The following ZNF160 variants were observed in gnomAD, a reference collection of about 807,000 sequenced individuals.
The protein encoded by ZNF160 is KRAB zinc finger protein KR18.
Under a neutral mutation model 13.1 loss-of-function variants are expected in ZNF160, and 9 were observed. That is an observed-to-expected ratio of 0.69 (90% confidence interval 0.41 to 1.20). The LOEUF (loss-of-function observed/expected upper bound fraction) is 1.20, where lower values mean the gene tolerates loss of function less well. Ranked by LOEUF, ZNF160 falls within the 50% of genes most tolerant of loss-of-function variation. The probability of loss-of-function intolerance (pLI) is 0.01; values close to 1 mark genes in which losing one functional copy is unlikely to be tolerated. For synonymous variants in ZNF160, 293 were observed against 333.2 expected, an observed-to-expected ratio of 0.88 and a Z score of 1.31; for missense variants, 838 against 988.0, an observed-to-expected ratio of 0.85 and a Z score of 2.04.
At chr19:53,102,885 G>A (rs1409463847) in intron 1 of ZNF160, among the ~76,000 whole-genome samples, 1 of 152,052 alleles carries the variant, frequency 6.6e-6, no homozygotes, top group African/African-American at 2.4e-5. Context: ...GGAGGCCTGG[G>A]GAGCAGCAGG....
At chr19:53,078,013 G>A (rs531875639) in intron 3 of ZNF160, among the ~76,000 whole-genome samples, 9 of 152,178 alleles carry the variant, frequency 5.9e-5, no homozygotes, top group East Asian at 3.9e-4. Context: ...AGGCTAAGGC[G>A]GGCGGATCAC....
chr19:53,075,462 G>A (rs948444455), intron 3 of ZNF160: 19 of 382,890 alleles, frequency 5.0e-5, no homozygotes, highest in Non-Finnish European at 6.4e-5. Context: ...GGCGGTCACC[G>A]GAACTAAGGC....
chr19:53,075,010 C>G (rs1273809297), intron 4 of ZNF160, 47 bp downstream of exon 4: 2 of 1,612,730 alleles, frequency 1.2e-6, no homozygotes, highest in South Asian at 1.1e-5. Flanking sequence ...GAAAATGCAA[C>G]AATAGACAAG....
intron 3 of ZNF160, among the ~76,000 whole-genome samples, chr19:53,078,016 C>A (rs1028622057): frequency 3.3e-5 from 5 of 151,618 alleles, no homozygotes; most frequent in African/African-American, 4.8e-5. Context: ...CTAAGGCGGG[C>A]GGATCACGAG....
At chr19:53,073,527 TG>T in intron 5 of ZNF160, 1 of 1,592,034 alleles carries the variant, frequency 6.3e-7, no homozygotes, top group South Asian at 1.1e-5. Context: ...GCACAGGAAA[TG>T]GGGTGGAACA....
chr19:53,074,816 T>A (rs2084323248), intron 4 of ZNF160, among the ~76,000 whole-genome samples: 1 of 152,104 alleles, frequency 6.6e-6, no homozygotes, highest in African/African-American at 2.4e-5. Flanking sequence ...TTCAAAAGTC[T>A]AACACAATGT....
chr19:53,075,182 A>C lies in ZNF160; in HGVS notation c.17T>G (p.Val6Gly). The change falls in exon 4 of 6, where the codon GTA becomes GGA. Residue 6 changes from valine to glycine, a missense_variant and splice_region_variant. This residue lies in a region of ZNF160 where 387 missense variants were observed against 402.3 expected (regional missense o/e 0.96). Coordinates refer to ENST00000683776, the MANE Select transcript of ZNF160 (RefSeq NM_001322131.2). MALTQ[V>G]RLTFRDVAIE... Reference sequence around the variant, plus strand: ...GGCCACATCCCTAAATGTCAACCGTACCTAAAATGAAAAACACATTTCACC... The same window carrying C: ...GGCCACATCCCTAAATGTCAACCGTCCCTAAAATGAAAAACACATTTCACC... The C allele has an allele frequency of 6.2e-7, 1 of 1,613,744 alleles. No individual in the cohort carries two copies. Among genetic ancestry groups the C allele is most frequent in the Non-Finnish European group, 8.5e-7 (1 of 1,179,882 alleles).
At position 53,068,186 on chromosome 19, in the gene ZNF160, T is replaced by G. The variant is rs2084026123; in HGVS notation, c.2348A>C (p.His783Pro). The G allele has an allele frequency of 1.9e-6, 3 of 1,614,194 alleles. No homozygotes were observed. In the African/African-American group the frequency reaches 4.0e-5, roughly 22 times the overall value. The change falls in exon 6 of 6, where the codon CAC becomes CCC. Residue 783 changes from histidine (H) to proline (P), a missense_variant. His to Pro is a moderately conservative substitution (Grantham distance 77). Around this residue, in one of 3 missense-constraint regions of ZNF160, gnomAD observed 51 missense variants for 46.9 expected, o/e 1.09. Coordinates refer to ENST00000683776, the MANE Select transcript of ZNF160 (RefSeq NM_001322131.2). ...RSSLTTHMAI[H>P]TGEKRYKCNE... is the part of the protein sequence containing the mutation. ...ACATTTGTAACGCTTTTCTCCAGTG[T>G]GGATTGCCATATGGGTAGTTAGACT...
chr19:53,073,254 C>A, intron 5 of ZNF160: 1 of 1,485,998 alleles, frequency 6.7e-7, no homozygotes. Context: ...CCTGGAAAAA[C>A]AGAATACGCA....
In ZNF160 at chr19:53,074,053, G is replaced by A. The variant is rs559344933; in HGVS notation, c.271+87C>T. ...GATCTGCCCACCTTGGCCTCCCTAA[G>A]TGTTGAGATTACAGGCGTGAGCTAC... On this transcript the variant is annotated intron_variant, in intron 5 of 5. Transcript: ENST00000683776. 3.1e-5 allele frequency: 42 copies of A among 1,357,342 alleles called. No individual in the cohort carries two copies. In the South Asian group the frequency reaches 4.3e-4, roughly 14 times the overall value. The allele number at this position is 1,357,342 out of a possible 1,614,324, so 84.1% of individuals were successfully genotyped here.
At chr19:53,103,024 G>C (rs2085504579) in intron 1 of ZNF160, among the ~76,000 whole-genome samples, 1 of 152,324 alleles carries the variant, frequency 6.6e-6, no homozygotes, top group East Asian at 1.9e-4. Context: ...CGCTCCAGGG[G>C]CCGACGAGAG....
At chr19:53,102,963 C>G (rs2085501484) in intron 1 of ZNF160, among the ~76,000 whole-genome samples, 1 of 152,054 alleles carries the variant, frequency 6.6e-6, no homozygotes, top group Non-Finnish European at 1.5e-5. Context: ...TGTGCAGGAT[C>G]CCAGGACCAG....
At chr19:53,100,534 T>C (rs28368410) in intron 1 of ZNF160, among the ~76,000 whole-genome samples, 24,347 of 151,686 alleles carry the variant, frequency 0.16, 2,246 homozygotes, top group African/African-American at 0.24. Flanking sequence ...GGCATGAACC[T>C]GGGAGGCGGA....
chr19:53,073,458 G>A (rs770423450), intron 5 of ZNF160: 1 of 1,598,186 alleles, frequency 6.3e-7, no homozygotes. Flanking sequence ...ATGAGGTTTG[G>A]GGCAGCAGAT....
rs778980555 is a variant in ZNF160, at chr19:53,069,381, T to C, written c.1153A>G (p.Ile385Val). Reference protein sequence around the residue: ...GKLFTQNSHLISHWRIHTGEK... With the variant: ...GKLFTQNSHLVSHWRIHTGEK... ...CCAGTGTGAATTCTCCAATGACTTA[T>C]AAGGTGTGAATTTTGAGTGAAGAGC... Residue 385 changes from isoleucine (I) to valine (V), a missense_variant, in exon 6 of 6, where the codon ATA becomes GTA. Transcript: ENST00000683776. The surrounding 1 kb of genome is among the most constrained non-coding windows in gnomAD (Gnocchi z 4.4). The C allele has an allele frequency of 8.1e-6, 13 of 1,613,954 alleles. No homozygotes were observed. The East Asian group carries it at 1.8e-4, about 22-fold the overall frequency.
intron 3 of ZNF160, chr19:53,085,975 C>G (rs1023447848): frequency 2.4e-5 from 30 of 1,270,072 alleles, no homozygotes; most frequent in Non-Finnish European, 3.2e-5. Context: ...CTGAGCAATC[C>G]CTGCTGCCCA....
At chr19:53,097,386 A>G (rs1867052) in intron 1 of ZNF160, among the ~76,000 whole-genome samples, 112,034 of 148,334 alleles carry the variant, frequency 0.76, 42,056 homozygotes, top group Admixed American at 0.81. Context: ...GATTCTTAGG[A>G]TCCCCGTTGC....
chr19:53,094,975 C>T (rs2059813), intron 1 of ZNF160, among the ~76,000 whole-genome samples: 33,082 of 151,188 alleles, frequency 0.22, 3,884 homozygotes, highest in Middle Eastern at 0.27. Context: ...CCTCCCATCC[C>T]GCCGCCCTCT....
At chr19:53,080,489 A>C (rs981487293) in intron 3 of ZNF160, among the ~76,000 whole-genome samples, 3 of 152,208 alleles carry the variant, frequency 2.0e-5, no homozygotes, top group Admixed American at 6.5e-5. Context: ...CACACCCCCC[A>C]AAAAATGACT....
Sources: allele counts gnomAD v4.1 joint callset (sites outside exome capture counted in the v4.1 genomes callset), GRCh38; gene constraint gnomAD v4.1.1; regional missense constraint gnomAD v4.1.1; non-coding constraint Gnocchi (gnomAD v3.1); transcripts MANE v1.5; gene names NCBI Gene and HGNC (gene_info 2026-07-23, HGNC 2026-07-21).